Variants in RASSF8 observed in about 807,000 individuals in gnomAD.
The protein encoded by RASSF8 is Ras association domain family member 8.
Under a neutral mutation model 48.5 loss-of-function variants are expected in RASSF8, and 22 were observed. The observed-to-expected ratio is 0.45, with a 90% CI of 0.32 to 0.65. The LOEUF (loss-of-function observed/expected upper bound fraction) is 0.65, where lower values mean the gene tolerates loss of function less well. Ranked by LOEUF, RASSF8 falls within the 30% of genes least tolerant of loss-of-function variation. RASSF8 has a pLI of 0.03. For missense variants in RASSF8, 418 were observed against 489.2 expected, an observed-to-expected ratio of 0.85 and a Z score of 1.37; for synonymous variants, 127 against 171.5, an observed-to-expected ratio of 0.74 and a Z score of 2.03.
chr12:25,965,045 C>G (rs1171982305), intron 1 of RASSF8, among the ~76,000 whole-genome samples: 1 of 151,722 alleles, frequency 6.6e-6, no homozygotes. Flanking sequence ...CGGGTTCATG[C>G]CATTCTCCCG....
intron 2 of RASSF8, among the ~76,000 whole-genome samples, chr12:26,040,700 C>A (rs1388932474): frequency 6.6e-6 from 1 of 152,144 alleles, no homozygotes; most frequent in African/African-American, 2.4e-5. Flanking sequence ...GTCCTTGAAT[C>A]CTTGCTTCCC....
intron 3 of RASSF8, among the ~76,000 whole-genome samples, chr12:26,060,052 C>G (rs112752571): frequency 0.025 from 3,737 of 152,212 alleles, 70 homozygotes; most frequent in African/African-American, 0.053. Context: ...CACCCACCAC[C>G]ACGCCCAGCT....
intron 2 of RASSF8, among the ~76,000 whole-genome samples, chr12:26,046,777 T>A (rs1321501487): frequency 6.6e-6 from 1 of 152,240 alleles, no homozygotes; most frequent in African/African-American, 2.4e-5. Context: ...ATTTGGCTAG[T>A]TAGTTTTCAA....
At chr12:26,005,516 T>TA (rs1942369726) in intron 2 of RASSF8, among the ~76,000 whole-genome samples, 1 of 152,216 alleles carries the variant, frequency 6.6e-6, no homozygotes, top group Admixed American at 6.5e-5. Context: ...AGAGAAAATG[T>TA]AAAAATAAGA....
intron 1 of RASSF8, among the ~76,000 whole-genome samples, chr12:25,984,890 A>C (rs1368428442): frequency 6.6e-6 from 1 of 152,246 alleles, no homozygotes; most frequent in Non-Finnish European, 1.5e-5. Flanking sequence ...TAACACAGGC[A>C]ATAAATCATT....
chr12:26,004,423 A>T (rs1438039538), intron 2 of RASSF8, among the ~76,000 whole-genome samples: 1 of 152,152 alleles, frequency 6.6e-6, no homozygotes, highest in East Asian at 1.9e-4. Context: ...TGCACACAAC[A>T]TGGGGGTTAG....
intron 2 of RASSF8, among the ~76,000 whole-genome samples, chr12:26,052,072 G>C (rs1943503246): frequency 6.6e-6 from 1 of 152,208 alleles, no homozygotes; most frequent in South Asian, 2.1e-4. Flanking sequence ...ATGTCACCTT[G>C]TTCAGTCTCA....
chr12:26,071,713 C>T lies in RASSF8; in HGVS notation c.*2895C>T. On this transcript the variant is annotated 3_prime_UTR_variant, in exon 6 of 6. Transcript: ENST00000689635. Reference sequence around the variant, plus strand: ...ATTAATAGGAGTTACCTATTTAATTCTCCCAGTCATCAATGAGGTAATCAT... The same window carrying T: ...ATTAATAGGAGTTACCTATTTAATTTTCCCAGTCATCAATGAGGTAATCAT... 1.0e-6 allele frequency: 1 copy of T among 983,118 alleles called. No homozygotes were observed. Among genetic ancestry groups the T allele is most frequent in the Non-Finnish European group, 1.2e-6 (1 of 827,986 alleles). The allele number at this position is 983,118 out of a possible 1,614,324, so 60.9% of individuals were successfully genotyped here. A position where few individuals can be genotyped will look rare whatever the true frequency, so the allele number is the denominator to read the frequency against.
intron 2 of RASSF8, among the ~76,000 whole-genome samples, chr12:26,032,346 T>C (rs1943047056): frequency 6.6e-6 from 1 of 152,200 alleles, no homozygotes; most frequent in African/African-American, 2.4e-5. Flanking sequence ...TTTTTCGTAC[T>C]CATAGCAGGT....
intron 1 of RASSF8, among the ~76,000 whole-genome samples, chr12:25,979,266 G>A (rs999096468): frequency 6.6e-6 from 1 of 152,054 alleles, no homozygotes; most frequent in Admixed American, 6.5e-5. Context: ...CTAGCAGCTG[G>A]CCCCAGGCAA....
chr12:25,964,831 AT>A (rs1416184880), intron 1 of RASSF8, among the ~76,000 whole-genome samples: 1 of 152,210 alleles, frequency 6.6e-6, no homozygotes. Context: ...GGAAGTTCTA[AT>A]ACGTTAAATG....
chr12:26,002,290 G>A (rs1199385910), intron 2 of RASSF8, among the ~76,000 whole-genome samples: 2 of 151,264 alleles, frequency 1.3e-5, no homozygotes, highest in Non-Finnish European at 2.9e-5. Flanking sequence ...AAAATTAGTC[G>A]GGCTTGGTAG....
intron 2 of RASSF8, among the ~76,000 whole-genome samples, chr12:26,021,848 T>C (rs1313569617): frequency 6.6e-6 from 1 of 152,152 alleles, no homozygotes; most frequent in African/African-American, 2.4e-5. Context: ...CCCAAAGGAA[T>C]TGATTTTATT....
chr12:25,985,519 A>G (rs1941852355), intron 1 of RASSF8, among the ~76,000 whole-genome samples: 2 of 152,362 alleles, frequency 1.3e-5, no homozygotes, highest in South Asian at 4.1e-4. Context: ...GCTCTGTGTA[A>G]ACAAGGAGGG....
chr12:26,045,343 T>C (rs1316884360), intron 2 of RASSF8, among the ~76,000 whole-genome samples: 1 of 152,212 alleles, frequency 6.6e-6, no homozygotes, highest in Non-Finnish European at 1.5e-5. Flanking sequence ...CTTTGCCTGC[T>C]GTGCTCATTA....
intron 2 of RASSF8, among the ~76,000 whole-genome samples, chr12:26,014,555 A>G (rs564112825): frequency 6.6e-6 from 1 of 152,316 alleles, no homozygotes; most frequent in East Asian, 1.9e-4. Flanking sequence ...ATAGCATGTA[A>G]AAGTCTCCAT....
chr12:26,058,540 A>ACG lies in RASSF8; in HGVS notation c.103+3095_103+3096insGC, dbSNP rs1225360684. The stretch of plus-strand genomic sequence containing the variant: ...TACACACATGCGCACGCGCGCGCGC[A>ACG]CACACACACACACACACACACAGAG... On this transcript the variant is annotated intron_variant, in intron 3 of 5. Coordinates refer to ENST00000689635, the MANE Select transcript of RASSF8 (RefSeq NM_001394098.1). 1.9e-3 allele frequency among the ~76,000 whole-genome samples: 70 copies of ACG among 36,550 alleles called. No homozygotes were observed. In the South Asian group the frequency reaches 0.023, roughly 12 times the overall value. 24.0% of individuals were successfully genotyped at this position (36,550 alleles called of 152,430 possible).
intron 2 of RASSF8, among the ~76,000 whole-genome samples, chr12:26,032,291 T>G (rs571239815): frequency 1.3e-5 from 2 of 152,276 alleles, no homozygotes; most frequent in South Asian, 4.1e-4. Flanking sequence ...CGAAAGGAAG[T>G]GGGAGAAATT....
intron 5 of RASSF8, chr12:26,078,953 G>T: frequency 7.5e-7 from 1 of 1,340,936 alleles, no homozygotes; most frequent in South Asian, 1.7e-5. Context: ...TAGTAATTGA[G>T]ATCATGATTA....
Sources: allele counts gnomAD v4.1 joint callset (sites outside exome capture counted in the v4.1 genomes callset), GRCh38; gene constraint gnomAD v4.1.1; transcripts MANE v1.5; gene names NCBI Gene and HGNC (gene_info 2026-07-23, HGNC 2026-07-21).